The following ADA variants were observed in gnomAD, a reference collection of about 807,000 sequenced individuals.
ADA encodes adenosine deaminase, also known as adenosine aminohydrolase.
Under a neutral mutation model 49.0 loss-of-function variants are expected in ADA, and 45 were observed. That is an observed-to-expected ratio of 0.92 (90% CI 0.72 to 1.18). The LOEUF is 1.18. Ranked by LOEUF, ADA falls within the 50% of genes most tolerant of loss-of-function variation. The probability of loss-of-function intolerance (pLI) is 0.00; values close to 1 mark genes in which losing one functional copy is unlikely to be tolerated. For synonymous variants in ADA, 173 were observed against 184.2 expected (o/e 0.94, Z 0.49); for missense variants, 445 against 472.5 (o/e 0.94, Z 0.54).
chr20:44,644,275 G>C (rs185485963), intron 1 of ADA, among the ~76,000 whole-genome samples: 1 of 152,152 alleles, frequency 6.6e-6, no homozygotes, highest in African/African-American at 2.4e-5. Context: ...TCTCCCTCAT[G>C]AGCCGTTTGC....
intron 6 of ADA, 29 bp from the exon 7 acceptor site, chr20:44,623,107 G>A (rs1217691781): frequency 9.9e-6 from 16 of 1,613,308 alleles, no homozygotes; most frequent in Non-Finnish European, 1.4e-5. Context: ...GGTCATGGGT[G>A]CCCTAGCGGG....
intron 2 of ADA, among the ~76,000 whole-genome samples, chr20:44,634,135 C>A (rs1426200614): frequency 6.6e-6 from 1 of 152,246 alleles, no homozygotes; most frequent in Non-Finnish European, 1.5e-5. Flanking sequence ...CTCCCAGCCC[C>A]TGGCTGCAGC....
chr20:44,636,429 C>T (rs1232992312), intron 1 of ADA, 141 bp from the exon 2 acceptor site: 3 of 728,794 alleles, frequency 4.1e-6, no homozygotes, highest in Admixed American at 4.1e-5. Context: ...GGCTGCTGAC[C>T]CCATATACTT....
At chr20:44,622,751 C>T (rs2065344036) in intron 8 of ADA, 78 bp downstream of exon 8, 2 of 1,613,854 alleles carry the variant, frequency 1.2e-6, no homozygotes, top group South Asian at 2.2e-5. Context: ...TTCCTGGGAC[C>T]CGCCCTGCTT....
chr20:44,636,371 T>A, intron 1 of ADA, 83 bp from the exon 2 acceptor site: 1 of 1,178,880 alleles, frequency 8.5e-7, no homozygotes, highest in Non-Finnish European at 1.2e-6. Context: ...TTTCAGAGCT[T>A]AATGTTAACA....
chr20:44,649,264 A>G (rs549380195), intron 1 of ADA, among the ~76,000 whole-genome samples: 39 of 152,094 alleles, frequency 2.6e-4, no homozygotes, highest in Non-Finnish European at 4.7e-4. Flanking sequence ...GCTAATAATT[A>G]TAACTGTCAT....
chr20:44,642,325 A>G (rs2065543950), intron 1 of ADA, among the ~76,000 whole-genome samples: 1 of 152,240 alleles, frequency 6.6e-6, no homozygotes, highest in Non-Finnish European at 1.5e-5. Context: ...CAGAATGAGC[A>G]AACACACCTT....
chr20:44,637,936 C>T (rs1472999150), intron 1 of ADA, among the ~76,000 whole-genome samples: 1 of 152,178 alleles, frequency 6.6e-6, no homozygotes, highest in Non-Finnish European at 1.5e-5. Flanking sequence ...AATACTGAAG[C>T]TTATAGCCCA....
At chr20:44,620,268 C>A in intron 11 of ADA, 31 bp downstream of exon 11, 1 of 1,587,916 alleles carries the variant, frequency 6.3e-7, no homozygotes, top group Non-Finnish European at 8.6e-7. Flanking sequence ...CAGGACAGGG[C>A]AACTGCCCAG....
At chr20:44,637,390 A>C (rs2145340418) in intron 1 of ADA, among the ~76,000 whole-genome samples, 1 of 152,308 alleles carries the variant, frequency 6.6e-6, no homozygotes, top group Middle Eastern at 3.4e-3. Flanking sequence ...AGCCCAAAGG[A>C]AACAGCCCCT....
intron 9 of ADA, 49 bp from the exon 10 acceptor site, chr20:44,621,196 A>G (rs768515420): frequency 6.2e-7 from 1 of 1,612,760 alleles, no homozygotes; most frequent in South Asian, 1.1e-5. Flanking sequence ...ACTCTTACAT[A>G]AATAGTCAGA....
At chr20:44,637,284 C>T (rs2065489537) in intron 1 of ADA, among the ~76,000 whole-genome samples, 1 of 152,176 alleles carries the variant, frequency 6.6e-6, no homozygotes, top group African/African-American at 2.4e-5. Flanking sequence ...CCTCTCTGAG[C>T]CTCAGTTTCC....
chr20:44,646,328 T>G (rs972662638), intron 1 of ADA, among the ~76,000 whole-genome samples: 1 of 152,322 alleles, frequency 6.6e-6, no homozygotes, highest in African/African-American at 2.4e-5. Flanking sequence ...CCAACTGCCA[T>G]GTGAGTCAAA....
chr20:44,629,688 A>C (rs2065415862), intron 2 of ADA, among the ~76,000 whole-genome samples: 1 of 152,112 alleles, frequency 6.6e-6, no homozygotes. Context: ...AGCCCAGCGC[A>C]CTGGGAGAGG....
At chr20:44,620,590 T>C (rs759555855) in intron 10 of ADA, 189 bp from the exon 11 acceptor site, 2 of 656,836 alleles carry the variant, frequency 3.0e-6, no homozygotes. Context: ...TAATTTGTCA[T>C]TACATGAAAA....
At chr20:44,630,749 G>A (rs1158505535) in intron 2 of ADA, among the ~76,000 whole-genome samples, 3 of 152,328 alleles carry the variant, frequency 2.0e-5, no homozygotes, top group East Asian at 1.9e-4. Context: ...GAGGCCGGGT[G>A]CAGTGGCTCA....
intron 1 of ADA, among the ~76,000 whole-genome samples, chr20:44,648,367 G>A (rs1242074170): frequency 2.6e-5 from 4 of 152,086 alleles, no homozygotes; most frequent in Admixed American, 6.5e-5. Flanking sequence ...AGTTCTGAGC[G>A]AAGGAATCCA....
chr20:44,638,702 G>A (rs2065503547), intron 1 of ADA, among the ~76,000 whole-genome samples: 1 of 152,206 alleles, frequency 6.6e-6, no homozygotes, highest in Admixed American at 6.5e-5. Context: ...CCCCAGAGTG[G>A]GAGAGGCATT....
chr20:44,623,458 C>A (rs950951505), intron 6 of ADA, among the ~76,000 whole-genome samples: 5 of 152,222 alleles, frequency 3.3e-5, no homozygotes, highest in Non-Finnish European at 5.9e-5. Context: ...CCATGCTGCA[C>A]CCTCCACAGG....
Sources: gnomAD v4.1 joint callset for allele counts (sites outside exome capture counted in the v4.1 genomes callset) on GRCh38, gnomAD v4.1.1 for gene constraint, MANE v1.5 for transcripts, NCBI Gene and HGNC (gene_info 2026-07-23, HGNC 2026-07-21) for gene names.